Variants in CMIP observed in about 807,000 individuals in gnomAD.
CMIP encodes c-Maf inducing protein, also known as C-Maf-inducing protein.
A neutral mutation model predicts 97.3 loss-of-function variants in CMIP; 13 were observed. The ratio of observed to expected loss-of-function variants is 0.13; its 90% CI spans 0.09 to 0.21. The LOEUF (loss-of-function observed/expected upper bound fraction) is 0.21, where lower values mean the gene tolerates loss of function less well. Ranked by LOEUF, CMIP falls within the 10% of genes least tolerant of loss-of-function variation. The probability of loss-of-function intolerance (pLI) is 1.00; values close to 1 mark genes in which losing one functional copy is unlikely to be tolerated. For synonymous variants in CMIP, 538 were observed against 436.3 expected (o/e 1.23, Z -2.91); for missense variants, 847 against 1,024.9 (o/e 0.83, Z 2.37).
At chr16:81,606,224 C>T (rs1379381934) in intron 1 of CMIP, among the ~76,000 whole-genome samples, 2 of 152,178 alleles carry the variant, frequency 1.3e-5, no homozygotes, top group Non-Finnish European at 2.9e-5. Flanking sequence ...AGCTAGATGA[C>T]CTTGGGCAAA....
intron 1 of CMIP, among the ~76,000 whole-genome samples, chr16:81,573,042 A>G (rs1319755065): frequency 2.0e-5 from 3 of 152,256 alleles, no homozygotes; most frequent in Non-Finnish European, 2.9e-5. Context: ...TAATAGTGAC[A>G]TTACAAAAAT....
chr16:81,459,256 C>G (rs1334821296), intron 1 of CMIP, among the ~76,000 whole-genome samples: 1 of 152,224 alleles, frequency 6.6e-6, no homozygotes, highest in Non-Finnish European at 1.5e-5. Context: ...GGCATCCAGG[C>G]TGTGAAGGGA....
In CMIP at chr16:81,610,448, C is replaced by T. The variant is rs112632168; in HGVS notation, c.426+2756C>T. ...GCAGAGGAAAAGGAGGAGGAGGAGG[C>T]GGCTTGCAACTCCTCAGATCCAGAG... On this transcript the variant is annotated intron_variant, in intron 2 of 20. Coordinates refer to ENST00000537098, the MANE Select transcript of CMIP (RefSeq NM_198390.3). The T allele has an allele frequency of 8.2e-5, 81 of 986,042 alleles. No homozygotes were observed. In the African/African-American group the frequency reaches 1.0e-3, roughly 13 times the overall value. The allele number at this position is 986,042 out of a possible 1,614,324, so 61.1% of individuals were successfully genotyped here.
chr16:81,578,070 C>G (rs1032029097), intron 1 of CMIP, among the ~76,000 whole-genome samples: 16 of 151,976 alleles, frequency 1.1e-4, no homozygotes, highest in African/African-American at 3.9e-4. Context: ...ACCATCATCA[C>G]CATCACCTTC....
chr16:81,698,636 C>T (rs1907037890), intron 14 of CMIP, among the ~76,000 whole-genome samples: 2 of 152,272 alleles, frequency 1.3e-5, no homozygotes, highest in South Asian at 2.1e-4. Flanking sequence ...TAAAAGTGTG[C>T]ATCTGTAAGC....
At chr16:81,593,752 C>G (rs1567599457) in intron 1 of CMIP, among the ~76,000 whole-genome samples, 1 of 152,154 alleles carries the variant, frequency 6.6e-6, no homozygotes. Context: ...CTCCCATCTG[C>G]TTTCTCACAG....
intron 10 of CMIP, among the ~76,000 whole-genome samples, chr16:81,685,332 C>G (rs771200694): frequency 5.3e-5 from 8 of 152,200 alleles, no homozygotes; most frequent in Non-Finnish European, 1.0e-4. Context: ...CAGTCTCCCA[C>G]TGGACTGAGC....
rs544872602 is a variant in CMIP at position 81,596,841 on chromosome 16, C to T, written c.301-10726C>T. Among the ~76,000 whole-genome samples, 3 of 152,290 alleles carry T rather than the reference C, an allele frequency of 2.0e-5. No individual in the cohort carries two copies. The South Asian group carries it at 6.2e-4, about 32-fold the overall frequency. On this transcript the variant is annotated intron_variant, in intron 1 of 20. Transcript: ENST00000537098. ...CCCCAATAACCAGTACCCTGACTTC[C>T]CACAGCACAGACTCAGGTGCACCTC...
chr16:81,551,943 A>G (rs2150857876), intron 1 of CMIP, among the ~76,000 whole-genome samples: 1 of 152,330 alleles, frequency 6.6e-6, no homozygotes. Flanking sequence ...CTCAGTCACC[A>G]TGGACGCTGT....
intron 9 of CMIP, among the ~76,000 whole-genome samples, 183 bp from the exon 10 acceptor site, chr16:81,678,092 C>T (rs73600445): frequency 0.024 from 3,625 of 152,298 alleles, 71 homozygotes; most frequent in African/African-American, 0.049. Flanking sequence ...CTCTTCCTGT[C>T]TAGACCTTGG....
At chr16:81,509,580 C>T (rs1430029021) in intron 1 of CMIP, among the ~76,000 whole-genome samples, 1 of 152,176 alleles carries the variant, frequency 6.6e-6, no homozygotes, top group African/African-American at 2.4e-5. Context: ...GCTGTCTTTC[C>T]CTTCCGCCCA....
At chr16:81,647,207 T>A (rs1340644873) in intron 3 of CMIP, among the ~76,000 whole-genome samples, 1 of 152,220 alleles carries the variant, frequency 6.6e-6, no homozygotes, top group Non-Finnish European at 1.5e-5. Context: ...CGAGGGCTAA[T>A]GACGTTGAGC....
At chr16:81,552,722 A>C (rs796931699) in intron 1 of CMIP, among the ~76,000 whole-genome samples, 6 of 152,260 alleles carry the variant, frequency 3.9e-5, no homozygotes, top group African/African-American at 1.4e-4. Context: ...GGTTCTGGGG[A>C]TCAGGGCGAA....
intron 17 of CMIP, 115 bp downstream of exon 17, chr16:81,702,784 C>T (rs1207714739): frequency 4.5e-6 from 4 of 889,112 alleles, no homozygotes; most frequent in Non-Finnish European, 7.4e-6. Flanking sequence ...GGGCGGGGCA[C>T]AAGGACCCCC....
chr16:81,483,115 T>C (rs1016410821), intron 1 of CMIP, among the ~76,000 whole-genome samples: 1 of 152,094 alleles, frequency 6.6e-6, no homozygotes, highest in African/African-American at 2.4e-5. Context: ...GACAGAAGTA[T>C]TGGTATGAAT....
At chr16:81,500,304 TGCC>T (rs1291274138) in intron 1 of CMIP, among the ~76,000 whole-genome samples, 4 of 140,118 alleles carry the variant, frequency 2.9e-5, no homozygotes, top group Admixed American at 1.4e-4. Context: ...CCTTCCTTCC[TGCC>T]TCCCTCCCTC....
chr16:81,500,897 G>A (rs1426578078), intron 1 of CMIP, among the ~76,000 whole-genome samples: 2 of 151,538 alleles, frequency 1.3e-5, no homozygotes, highest in East Asian at 1.9e-4. Context: ...GTGCATCTGC[G>A]TCTTTGAAGT....
At chr16:81,619,314 G>A (rs1327201693) in intron 2 of CMIP, 1 of 152,226 alleles carries the variant, frequency 6.6e-6, no homozygotes, top group African/African-American at 2.4e-5. Flanking sequence ...ACTTGCTACT[G>A]GAATGGATCA....
rs374640965 is a variant in CMIP at position 81,657,907 on chromosome 16, C to T, written c.681+91C>T. The T allele has an allele frequency of 1.1e-4, 118 of 1,057,648 alleles. 1 individual carries two copies. The highest frequency in any genetic ancestry group is 8.6e-4 in the South Asian group (56 of 65,174). The allele number at this position is 1,057,648 out of a possible 1,614,324, so 65.5% of individuals were successfully genotyped here. On this transcript the variant is annotated intron_variant, in intron 5 of 20. Coordinates refer to ENST00000537098, the MANE Select transcript of CMIP (RefSeq NM_198390.3). ...TGGTTTGGGGTAATTCTGGCGCCTG[C>T]GTAATCCACCAGCATCTGGCCTTGC...
Sources: gnomAD v4.1 joint callset for allele counts (sites outside exome capture counted in the v4.1 genomes callset) on GRCh38, gnomAD v4.1.1 for gene constraint, MANE v1.5 for transcripts, NCBI Gene and HGNC (gene_info 2026-07-23, HGNC 2026-07-21) for gene names.